Variants in GRIP1 observed in about 807,000 individuals in gnomAD.
GRIP1 encodes the protein glutamate receptor-interacting protein 1.
GRIP1 carries 45 observed loss-of-function variants against 129.9 expected under a neutral mutation model. The observed-to-expected ratio is 0.35, with a 90% confidence interval of 0.27 to 0.44. The LOEUF is 0.44. GRIP1 is among the 20% of genes least tolerant of loss of function. GRIP1 has a pLI of 1.00. For synonymous variants in GRIP1, 530 were observed against 520.8 expected (o/e 1.02, Z -0.24); for missense variants, 1,196 against 1,396.8 (o/e 0.86, Z 2.29).
In GRIP1 at chr12:67,052,214, G is replaced by A. The variant is rs1437677764; in HGVS notation, c.58+16836C>T. 4.6e-5 allele frequency among the ~76,000 whole-genome samples: 7 copies of A among 152,046 alleles called. No individual in the cohort carries two copies. In the South Asian group the frequency reaches 1.0e-3, roughly 23 times the overall value. ...ATTGTGTTACCAAATATTTATTTTA[G>A]CATGAGAAACTGGCAAATGTCCCCC... On this transcript the variant is annotated intron_variant, in intron 1 of 1. Coordinates refer to the GRIP1 transcript ENST00000643019.
intron 1 of GRIP1, among the ~76,000 whole-genome samples, chr12:66,660,026 T>G (rs1371280368): frequency 6.6e-6 from 1 of 152,226 alleles, no homozygotes; most frequent in Admixed American, 6.5e-5. Flanking sequence ...TCAATGTTCA[T>G]GCTTCTTTAG....
chr12:66,797,399 C>T (rs1226641974), intron 1 of GRIP1, among the ~76,000 whole-genome samples: 1 of 152,134 alleles, frequency 6.6e-6, no homozygotes, highest in African/African-American at 2.4e-5. Flanking sequence ...ACTGACTACA[C>T]CTGCCAGTGA....
chr12:66,919,460 G>C (rs1362053057), intron 1 of GRIP1, among the ~76,000 whole-genome samples: 1 of 152,324 alleles, frequency 6.6e-6, no homozygotes, highest in South Asian at 2.1e-4. Flanking sequence ...CCTCTGAGCA[G>C]TGCTGGGGAA....
rs940984403 is a variant in GRIP1, at chr12:66,347,547, T to C, written c.*1472A>G. On this transcript the variant is annotated 3_prime_UTR_variant, in exon 25 of 25. Transcript: ENST00000359742. ...ATTTTGAATTCCCCAAAACCATACATAGACGATAAATACCATGCTATTAAA... is the reference window on the plus strand; with the variant it reads ...ATTTTGAATTCCCCAAAACCATACACAGACGATAAATACCATGCTATTAAA... 6.6e-6 allele frequency: 1 copy of C among 152,200 alleles called. No individual in the cohort carries two copies. Among genetic ancestry groups the C allele is most frequent in the Non-Finnish European group, 1.5e-5 (1 of 68,032 alleles). 9.4% of individuals were successfully genotyped at this position (152,200 alleles called of 1,614,324 possible).
At chr12:66,352,056 G>A (rs1317460886) in intron 24 of GRIP1, among the ~76,000 whole-genome samples, 6 of 152,320 alleles carry the variant, frequency 3.9e-5, no homozygotes, top group Admixed American at 1.3e-4. Flanking sequence ...GAGCCAATGC[G>A]CTTCTATTCT....
chr12:66,406,427 T>C lies in GRIP1; in HGVS notation c.1840A>G (p.Thr614Ala). ...TTATCCCCAAGTTCCAGGGTCCCAGTTCTGTTAGTGAATGCAAAGTAACAC... is the reference window on the plus strand; with the variant it reads ...TTATCCCCAAGTTCCAGGGTCCCAGCTCTGTTAGTGAATGCAAAGTAACAC... Reference protein sequence around the residue: ...DIKKGSVAHRTGTLELGDKLL... With the variant: ...DIKKGSVAHRAGTLELGDKLL... Residue 614 changes from threonine to alanine, a missense_variant and splice_region_variant, in exon 16 of 25, where the codon ACT becomes GCT. Thr to Ala is a moderately conservative substitution (Grantham distance 58, BLOSUM62 0). Transcript: ENST00000359742. The C allele has an allele frequency of 6.2e-7, 1 of 1,614,042 alleles. No individual in the cohort carries two copies.
At chr12:66,455,310 C>G (rs537266549) in intron 11 of GRIP1, 99 bp downstream of exon 11, 2 of 1,090,260 alleles carry the variant, frequency 1.8e-6, no homozygotes, top group Non-Finnish European at 2.8e-6. Flanking sequence ...ATCACTTAAG[C>G]AACTGTGAAA....
chr12:66,657,943 T>A (rs1196450813), intron 1 of GRIP1, among the ~76,000 whole-genome samples: 2 of 152,222 alleles, frequency 1.3e-5, no homozygotes, highest in African/African-American at 2.4e-5. Flanking sequence ...AAATTTAGGT[T>A]CTTACAGAAA....
chr12:66,417,222 AT>A (rs779054886), intron 15 of GRIP1, among the ~76,000 whole-genome samples: 1 of 152,184 alleles, frequency 6.6e-6, no homozygotes, highest in Non-Finnish European at 1.5e-5. Flanking sequence ...CTGAAAAAGC[AT>A]TTGAAAAAAT....
intron 1 of GRIP1, among the ~76,000 whole-genome samples, chr12:66,669,975 A>C (rs1437291562): frequency 6.6e-6 from 1 of 152,218 alleles, no homozygotes; most frequent in Non-Finnish European, 1.5e-5. Flanking sequence ...TAGTTCAAAA[A>C]ATTCTTTAAC....
intron 1 of GRIP1, among the ~76,000 whole-genome samples, chr12:66,981,880 A>C (rs1456852734): frequency 6.6e-6 from 1 of 152,166 alleles, no homozygotes; most frequent in African/African-American, 2.4e-5. Context: ...GAGAAAGCAA[A>C]ATGCCTAAAT....
At chr12:67,049,546 C>T (rs1208151638) in intron 1 of GRIP1, among the ~76,000 whole-genome samples, 1 of 152,074 alleles carries the variant, frequency 6.6e-6, no homozygotes, top group African/African-American at 2.4e-5. Flanking sequence ...GAACTTCACA[C>T]ACCAGGGCCT....
At chr12:66,965,031 A>AC (rs773986518) in intron 1 of GRIP1, among the ~76,000 whole-genome samples, 3 of 151,978 alleles carry the variant, frequency 2.0e-5, no homozygotes, top group South Asian at 4.2e-4. Flanking sequence ...CTCTTTAAAG[A>AC]CCCTGTCTTC....
At chr12:66,472,695 C>T (rs762112641) in intron 7 of GRIP1, among the ~76,000 whole-genome samples, 32 of 152,218 alleles carry the variant, frequency 2.1e-4, no homozygotes, top group Non-Finnish European at 3.8e-4. Flanking sequence ...CAGGGTGGGG[C>T]GTTGCCTCAC....
chr12:66,919,703 A>G (rs976889685), intron 1 of GRIP1, among the ~76,000 whole-genome samples: 2 of 152,140 alleles, frequency 1.3e-5, no homozygotes, highest in East Asian at 3.9e-4. Context: ...ATCCATTCCA[A>G]TGGGAGGGAT....
intron 14 of GRIP1, among the ~76,000 whole-genome samples, chr12:66,429,851 T>C (rs1333681578): frequency 1.3e-5 from 2 of 152,206 alleles, no homozygotes; most frequent in Non-Finnish European, 2.9e-5. Context: ...TCAACAATAC[T>C]ATGAAGAAGG....
At chr12:66,695,761 T>C (rs1348442395) in intron 1 of GRIP1, among the ~76,000 whole-genome samples, 3 of 152,236 alleles carry the variant, frequency 2.0e-5, no homozygotes, top group Admixed American at 6.5e-5. Context: ...GTCATTTACA[T>C]ATGCAGGGTA....
rs912829208 is a variant in GRIP1, at chr12:66,514,644, C to T, written c.724+975G>A. Among the ~76,000 whole-genome samples the T allele has an allele frequency of 2.0e-5, 3 of 151,964 alleles. No homozygotes were observed. In the East Asian group the frequency reaches 5.8e-4, roughly 29 times the overall value. ...TGAACTTTCCATGTCAAGGGCATAC[C>T]ACATCATTTATCCTTCTAAAAACTC... On this transcript the variant is annotated intron_variant, in intron 7 of 24. Transcript: ENST00000359742.
At chr12:67,041,990 T>G (rs751579350) in intron 1 of GRIP1, among the ~76,000 whole-genome samples, 1 of 152,086 alleles carries the variant, frequency 6.6e-6, no homozygotes, top group African/African-American at 2.4e-5. Flanking sequence ...AGAGGTGGGA[T>G]CTTTAAGGGG....
Sources: gnomAD v4.1 joint callset for allele counts (sites outside exome capture counted in the v4.1 genomes callset) on GRCh38, gnomAD v4.1.1 for gene constraint, MANE v1.5 for transcripts, NCBI Gene and HGNC (gene_info 2026-07-23, HGNC 2026-07-21) for gene names.